The following SPAG16 variants were observed in gnomAD, a reference collection of about 807,000 sequenced individuals.
SPAG16 encodes sperm associated antigen 16.
In SPAG16, 86 loss-of-function variants were observed where a neutral mutation model predicts 80.4. The observed-to-expected ratio is 1.07, with a 90% CI of 0.90 to 1.28. The LOEUF (loss-of-function observed/expected upper bound fraction) is 1.28. Ranked by LOEUF, SPAG16 falls within the 50% of genes most tolerant of loss-of-function variation. The probability of loss-of-function intolerance (pLI) is 0.00; values close to 1 mark genes in which losing one functional copy is unlikely to be tolerated. For synonymous variants in SPAG16, 294 were observed against 265.9 expected, an observed-to-expected ratio of 1.11 and a Z score of -1.03; for missense variants, 870 against 765.3, an observed-to-expected ratio of 1.14 and a Z score of -1.61.
At chr2:214,042,038 G>A (rs2049059659) in intron 13 of SPAG16, among the ~76,000 whole-genome samples, 1 of 136,010 alleles carries the variant, frequency 7.4e-6, no homozygotes, top group South Asian at 2.4e-4. Flanking sequence ...ACACAAACAT[G>A]TAATAAGTGT....
At chr2:213,482,516 A>G (rs12616376) in intron 9 of SPAG16, among the ~76,000 whole-genome samples, 45,508 of 152,070 alleles carry the variant, frequency 0.3, 7,663 homozygotes, top group Middle Eastern at 0.49. Flanking sequence ...ATAAAATCAA[A>G]TGGTATAATG....
At chr2:213,689,106 C>T (rs1469841085) in intron 10 of SPAG16, among the ~76,000 whole-genome samples, 2 of 152,138 alleles carry the variant, frequency 1.3e-5, no homozygotes, top group African/African-American at 2.4e-5. Flanking sequence ...ATCACAGGCT[C>T]CTGCCACGGT....
rs139607437 is a variant in SPAG16 at position 213,630,032 on chromosome 2, G to A, written c.1070+139942G>A. Among the ~76,000 whole-genome samples the A allele has an allele frequency of 6.6e-5, 10 of 152,278 alleles. 1 individual carries two copies. Among genetic ancestry groups the A allele is most frequent in the African/African-American group, 2.4e-4 (10 of 41,554 alleles). On this transcript the variant is annotated intron_variant, in intron 10 of 15. Transcript: ENST00000331683. ...TCATTGTCTCATTTGACTTCTCAAT[G>A]TTCCCATCATCCATATAACCATTGC...
intron 13 of SPAG16, among the ~76,000 whole-genome samples, chr2:214,105,429 A>T (rs2053332314): frequency 6.6e-6 from 1 of 152,226 alleles, no homozygotes; most frequent in Non-Finnish European, 1.5e-5. Context: ...ACAAAGCTAT[A>T]GGTTAAATGC....
chr2:213,927,359 ACT>A (rs1242390894), intron 11 of SPAG16, among the ~76,000 whole-genome samples: 1 of 151,716 alleles, frequency 6.6e-6, no homozygotes, highest in Non-Finnish European at 1.5e-5. Context: ...GCCCAGGGAA[ACT>A]CTGATCTTTT....
intron 9 of SPAG16, among the ~76,000 whole-genome samples, chr2:213,447,802 A>G (rs141134810): frequency 6.6e-6 from 1 of 152,306 alleles, no homozygotes; most frequent in East Asian, 1.9e-4. Flanking sequence ...ACTTGTGTTA[A>G]CTCCTGTTTT....
intron 15 of SPAG16, among the ~76,000 whole-genome samples, chr2:214,210,981 A>C (rs1257982361): frequency 6.6e-6 from 1 of 152,180 alleles, no homozygotes; most frequent in Admixed American, 6.5e-5. Flanking sequence ...TAATATATTT[A>C]AGTGATAAAC....
At chr2:213,962,462 G>A (rs1447784084) in intron 12 of SPAG16, among the ~76,000 whole-genome samples, 6 of 152,136 alleles carry the variant, frequency 3.9e-5, no homozygotes, top group Admixed American at 3.9e-4. Context: ...TGGGATTACA[G>A]GCATGAGCCA....
Position 213,463,321 on chromosome 2 carries a change from C to T in SPAG16, c.943-26642C>T, listed in dbSNP as rs554242627. Among the ~76,000 whole-genome samples the T allele has an allele frequency of 1.4e-4, 21 of 152,364 alleles. No homozygotes were observed. The South Asian group carries it at 4.1e-3, about 30-fold the overall frequency. ...TTTTCTGGGGAGAAATTCAAGCCAG[C>T]TGCAGAAATTTGCTTAAGTAACAAG... On this transcript the variant is annotated intron_variant, in intron 9 of 15. Coordinates refer to ENST00000331683, the MANE Select transcript of SPAG16 (RefSeq NM_024532.5).
Position 213,600,078 on chromosome 2 carries a change from C to T in SPAG16, c.1070+109988C>T, listed in dbSNP as rs577577391. 6.6e-5 allele frequency among the ~76,000 whole-genome samples: 10 copies of T among 152,196 alleles called. No homozygotes were observed. In the South Asian group the frequency reaches 2.1e-3, roughly 32 times the overall value. ...TCTAATCCCCATATTGTTCCAGGGT[C>T]AACTGTATTGGTTTAAAGTTCATAC... On this transcript the variant is annotated intron_variant, in intron 10 of 15. Transcript: ENST00000331683.
At chr2:213,629,239 A>G (rs2062060105) in intron 10 of SPAG16, among the ~76,000 whole-genome samples, 1 of 152,194 alleles carries the variant, frequency 6.6e-6, no homozygotes. Flanking sequence ...CATCAATAAG[A>G]GCAATAAAGT....
intron 12 of SPAG16, among the ~76,000 whole-genome samples, chr2:213,944,807 C>T (rs2079367801): frequency 6.6e-6 from 1 of 152,006 alleles, no homozygotes; most frequent in Non-Finnish European, 1.5e-5. Flanking sequence ...GAGGATGGAG[C>T]CCTCTTGAAT....
At chr2:214,227,859 T>C (rs1320238536) in intron 15 of SPAG16, among the ~76,000 whole-genome samples, 2 of 151,910 alleles carry the variant, frequency 1.3e-5, no homozygotes, top group Non-Finnish European at 2.9e-5. Context: ...AGTTTAGAGA[T>C]GGAAGTCTGA....
intron 12 of SPAG16, among the ~76,000 whole-genome samples, chr2:213,931,743 T>C (rs761886907): frequency 2.0e-5 from 3 of 152,154 alleles, no homozygotes; most frequent in Non-Finnish European, 4.4e-5. Flanking sequence ...CCAGTAAATC[T>C]TGATATTACA....
intron 10 of SPAG16, among the ~76,000 whole-genome samples, chr2:213,574,548 C>T (rs904819631): frequency 6.6e-6 from 1 of 151,790 alleles, no homozygotes; most frequent in East Asian, 1.9e-4. Flanking sequence ...TGAACATGTT[C>T]TCATGCTGCT....
intron 10 of SPAG16, among the ~76,000 whole-genome samples, chr2:213,700,490 C>A (rs1289147411): frequency 6.6e-6 from 1 of 152,098 alleles, no homozygotes. Context: ...ATTTTCCAGA[C>A]AAATGTGTAT....
At chr2:214,320,848 A>C (rs752803491) in intron 15 of SPAG16, among the ~76,000 whole-genome samples, 2 of 152,236 alleles carry the variant, frequency 1.3e-5, no homozygotes, top group African/African-American at 2.4e-5. Flanking sequence ...TAACCATATC[A>C]CTTGTACTTA....
rs751808187 is a variant in SPAG16 at position 213,350,533 on chromosome 2, A to G, written c.650A>G (p.Lys217Arg). 3 of 1,547,848 alleles carry G rather than the reference A, an allele frequency of 1.9e-6. No homozygotes were observed. The highest frequency in any genetic ancestry group is 2.5e-5 in the South Asian group (2 of 81,272). Residue 217 changes from lysine to arginine, a missense_variant, in exon 7 of 16, where the codon AAG (lysine) becomes AGG (arginine). Transcript: ENST00000331683. ...ATTGACTTTATTTTTTATAGGTTGA[A>G]GTTACATTATGCATCTTATGAACCG... is the stretch of plus-strand genomic sequence containing the variant. ...NKLINDLKGL[K>R]LHYASYEPTI... is the part of the protein sequence containing the mutation.
At position 213,874,283 on chromosome 2, in the gene SPAG16, G is replaced by T. The variant is rs181586403; in HGVS notation, c.1214+11655G>T. Among the ~76,000 whole-genome samples, 3 of 152,126 alleles carry T rather than the reference G, an allele frequency of 2.0e-5. No homozygotes were observed. In the South Asian group the frequency reaches 6.2e-4, roughly 32 times the overall value. On this transcript the variant is annotated intron_variant, in intron 11 of 15. Transcript: ENST00000331683. ...CAATAATAAATCAACCTTAGCTTAC[G>T]TAACCTTTTACTTTATAAACTATTT...
Sources: allele counts gnomAD v4.1 joint callset (sites outside exome capture counted in the v4.1 genomes callset), GRCh38; gene constraint gnomAD v4.1.1; transcripts MANE v1.5; gene names NCBI Gene and HGNC (gene_info 2026-07-23, HGNC 2026-07-21).